Variants in RNASEH2B observed in about 807,000 individuals in gnomAD.
The protein encoded by RNASEH2B is Aicardi-Goutieres syndrome 2 protein.
RNASEH2B carries 36 observed loss-of-function variants against 45.0 expected under a neutral mutation model. The observed-to-expected ratio is 0.80, with a 90% CI of 0.61 to 1.06. The LOEUF (loss-of-function observed/expected upper bound fraction) is 1.06, where lower values mean the gene tolerates loss of function less well. Among genes scored for constraint, RNASEH2B ranks in the 50% least tolerant of loss-of-function variants. The pLI is 0.00. For synonymous variants in RNASEH2B, 119 were observed against 125.7 expected, an observed-to-expected ratio of 0.95 and a Z score of 0.35; for missense variants, 361 against 360.3, an observed-to-expected ratio of 1.00 and a Z score of -0.02.
chr13:50,953,871 C>T (rs1225890396), intron 9 of RNASEH2B, 34 bp from the exon 10 acceptor site: 1 of 1,372,172 alleles, frequency 7.3e-7, no homozygotes, highest in South Asian at 1.2e-5. Context: ...GTCAAAGTGA[C>T]ATTTGACACC....
intron 1 of RNASEH2B, among the ~76,000 whole-genome samples, chr13:50,924,424 A>G (rs1951564205): frequency 6.6e-6 from 1 of 152,232 alleles, no homozygotes; most frequent in African/African-American, 2.4e-5. Flanking sequence ...ACTTTATGAT[A>G]AAAATTATTA....
rs1306076908 is a variant in RNASEH2B, at chr13:50,956,563, G to A, written c.*89G>A. 2.1e-5 allele frequency: 32 copies of A among 1,531,442 alleles called. No individual in the cohort carries two copies. The highest frequency in any genetic ancestry group is 2.6e-5 in the Non-Finnish European group (29 of 1,136,732). The allele number at this position is 1,531,442 out of a possible 1,614,324, so 94.9% of individuals were successfully genotyped here. On this transcript the variant is annotated 3_prime_UTR_variant, in exon 11 of 11. Coordinates refer to ENST00000336617, the MANE Select transcript of RNASEH2B (RefSeq NM_024570.4). ...ACTGTTAATGACTACCTTTGGTTGG[G>A]GGAAGGAAGAGGCCAATTTCATGTT...
At chr13:50,966,580 T>C (rs553728350) in intron 9 of RNASEH2B, among the ~76,000 whole-genome samples, 8 of 152,292 alleles carry the variant, frequency 5.3e-5, no homozygotes, top group Admixed American at 4.6e-4. Context: ...TTATCTTCAA[T>C]TTAAATTTAC....
At chr13:50,948,122 C>G in intron 8 of RNASEH2B, 54 bp downstream of exon 8, 1 of 1,602,624 alleles carries the variant, frequency 6.2e-7, no homozygotes, top group African/African-American at 1.3e-5. Context: ...TCTTGGTTTC[C>G]CCAGCAGTGG....
At position 50,929,463 on chromosome 13, in the gene RNASEH2B, T is replaced by A; in HGVS notation, c.137-12T>A. On this transcript the variant is annotated splice_polypyrimidine_tract_variant and intron_variant, in intron 2 of 10. Transcript: ENST00000336617. ...GAAAACTTACAAATAAAAGACAGAT[T>A]TGTCTTAACAGGAGAAGGAGCCATT... 1.9e-6 allele frequency: 3 copies of A among 1,554,408 alleles called. No homozygotes were observed. The highest frequency in any genetic ancestry group is 1.8e-6 in the Non-Finnish European group (2 of 1,125,846).
At chr13:50,966,225 A>C (rs527898086) in intron 9 of RNASEH2B, among the ~76,000 whole-genome samples, 60 of 152,336 alleles carry the variant, frequency 3.9e-4, no homozygotes, top group African/African-American at 1.4e-3. Context: ...ATAAGTACAC[A>C]CAAACATAAA....
At chr13:50,969,712 AGCCT>A (rs1952202397) in intron 9 of RNASEH2B, among the ~76,000 whole-genome samples, 1 of 151,960 alleles carries the variant, frequency 6.6e-6, no homozygotes, top group Non-Finnish European at 1.5e-5. Context: ...GCTCTCGAGG[AGCCT>A]GCTATGAACC....
chr13:50,943,964 T>C (rs1951864519), intron 6 of RNASEH2B, among the ~76,000 whole-genome samples: 1 of 151,768 alleles, frequency 6.6e-6, no homozygotes, highest in African/African-American at 2.4e-5. Context: ...AGTATTTCTC[T>C]TGGAATGAAA....
intron 9 of RNASEH2B, among the ~76,000 whole-genome samples, chr13:50,967,127 TG>T (rs1566094956): frequency 1.3e-5 from 2 of 152,174 alleles, no homozygotes; most frequent in Non-Finnish European, 2.9e-5. Flanking sequence ...CGCTGGTGCT[TG>T]GGGAGCCATG....
rs545069822 is a variant in RNASEH2B at position 50,943,276 on chromosome 13, AT to A, written c.437-35del. The A allele has an allele frequency of 6.1e-3, 6,247 of 1,017,410 alleles. 29 individuals carry two copies. Among genetic ancestry groups the A allele is most frequent in the African/African-American group, 0.036 (2,194 of 61,344 alleles). The allele number at this position is 1,017,410 out of a possible 1,614,324, so 63.0% of individuals were successfully genotyped here. On this transcript the variant is annotated intron_variant, in intron 5 of 10. Transcript: ENST00000336617. ...GTATATGATACAACCTTAGGAGTTTATTTTTTTTTTAATTCATTGTGCTGAG... is the reference window on the plus strand; with the variant it reads ...GTATATGATACAACCTTAGGAGTTTATTTTTTTTTAATTCATTGTGCTGAG...
At position 50,909,974 on chromosome 13, in the gene RNASEH2B, G is replaced by T; in HGVS notation, c.-103G>T. The T allele has an allele frequency of 1.9e-6, 2 of 1,044,494 alleles. No homozygotes were observed. The highest frequency in any genetic ancestry group is 3.3e-5 in the East Asian group (1 of 30,760). 64.7% of individuals were successfully genotyped at this position (1,044,494 alleles called of 1,614,324 possible). On this transcript the variant is annotated 5_prime_UTR_variant, in exon 1 of 11. Coordinates refer to ENST00000336617, the MANE Select transcript of RNASEH2B (RefSeq NM_024570.4). ...CCGGGCGCTGCCGGTCCCTCAGCGC[G>T]CCGCGCCACCCGGAACAGACCCTTC...
At position 50,927,470 on chromosome 13, in the gene RNASEH2B, C is replaced by T; in HGVS notation, c.128C>T (p.Pro43Leu). ...NGLMFVKLVN[P>L]CSGEGAIYLF... ...CTAATGTTTGTAAAACTGGTTAACC[C>T]CTGTTCAGGTAAGTTCTCTTCTCAT... The change falls in exon 2 of 11, where the codon CCC becomes CTC. Residue 43 changes from proline (P) to leucine (L), a missense_variant. By Grantham distance (98) the Pro-to-Leu change is moderately conservative. Coordinates refer to ENST00000336617, the MANE Select transcript of RNASEH2B (RefSeq NM_024570.4). 1 of 1,594,336 alleles carries T rather than the reference C, an allele frequency of 6.3e-7. No homozygotes were observed. Among genetic ancestry groups the T allele is most frequent in the Non-Finnish European group, 8.6e-7 (1 of 1,162,342 alleles).
chr13:50,929,399 A>ATAGTC (rs775876718), intron 2 of RNASEH2B, 76 bp from the exon 3 acceptor site: 41 of 873,342 alleles, frequency 4.7e-5, no homozygotes, highest in Non-Finnish European at 7.3e-5. Flanking sequence ...GAGATACTGG[A>ATAGTC]TAGTCTTTTG....
At chr13:50,929,722 A>G (rs1436180786) in intron 3 of RNASEH2B, 140 bp downstream of exon 3, 7 of 678,892 alleles carry the variant, frequency 1.0e-5, no homozygotes, top group Non-Finnish European at 1.6e-5. Flanking sequence ...GAGCAGGTTT[A>G]ATCAAGGAGA....
At chr13:50,925,236 T>G (rs1412421634) in intron 1 of RNASEH2B, among the ~76,000 whole-genome samples, 1 of 152,158 alleles carries the variant, frequency 6.6e-6, no homozygotes, top group Non-Finnish European at 1.5e-5. Flanking sequence ...ATCTTCTATG[T>G]CTCTAATTAA....
intron 1 of RNASEH2B, chr13:50,912,333 G>A (rs1434402071): frequency 1.3e-5 from 2 of 152,332 alleles, no homozygotes; most frequent in Non-Finnish European, 2.9e-5. Context: ...TGCTGGTTCA[G>A]TAGGTCCTGG....
At position 50,970,014 on chromosome 13, in the gene RNASEH2B, AC is replaced by A. The variant is rs1309142035; in HGVS notation, c.*51del. ...GGCGGTTTTCCCTGCAACTTCAGAC[AC>A]TCCCAGAGGACTCGGACTTTTTCTT... On this transcript the variant is annotated 3_prime_UTR_variant, in exon 10 of 10. Coordinates refer to the RNASEH2B transcript ENST00000422660. The A allele has an allele frequency of 2.0e-6, 3 of 1,530,970 alleles. No homozygotes were observed. In the African/African-American group the frequency reaches 4.1e-5, roughly 21 times the overall value. 94.8% of individuals were successfully genotyped at this position (1,530,970 alleles called of 1,614,324 possible).
intron 8 of RNASEH2B, 70 bp downstream of exon 8, chr13:50,948,138 C>T: frequency 1.3e-6 from 2 of 1,596,330 alleles, no homozygotes. Context: ...AGTGGGGTTT[C>T]CTTATGGCTT....
At chr13:50,954,065 C>A in intron 10 of RNASEH2B, 80 bp downstream of exon 10, 1 of 857,926 alleles carries the variant, frequency 1.2e-6, no homozygotes. Flanking sequence ...CAGTTGCACG[C>A]TTGATTGTGA....
Sources: gnomAD v4.1 joint callset for allele counts (sites outside exome capture counted in the v4.1 genomes callset) on GRCh38, gnomAD v4.1.1 for gene constraint, MANE v1.5 for transcripts, NCBI Gene and HGNC (gene_info 2026-07-23, HGNC 2026-07-21) for gene names.